The following CDH6 variants were observed in gnomAD, a reference collection of about 807,000 sequenced individuals.
The protein encoded by CDH6 is cadherin 6, also known as cadherin-6.
A neutral mutation model predicts 78.0 loss-of-function variants in CDH6; 31 were observed. The ratio of observed to expected loss-of-function variants is 0.40; its 90% confidence interval spans 0.30 to 0.54. The LOEUF is 0.54. Among genes scored for constraint, CDH6 ranks in the 20% least tolerant of loss-of-function variants. The probability of loss-of-function intolerance (pLI) is 0.56; values close to 1 mark genes in which losing one functional copy is unlikely to be tolerated. For synonymous variants in CDH6, 376 were observed against 368.8 expected (o/e 1.02, Z -0.23); for missense variants, 724 against 975.9 (o/e 0.74, Z 3.44).
chr5:31,194,716 A>C (rs1579800434), intron 1 of CDH6, among the ~76,000 whole-genome samples: 1 of 152,098 alleles, frequency 6.6e-6, no homozygotes, highest in Non-Finnish European at 1.5e-5. Context: ...GAGTGGTTGG[A>C]GTGCGCTTGG....
intron 1 of CDH6, among the ~76,000 whole-genome samples, chr5:31,238,566 A>C (rs899761627): frequency 1.3e-5 from 2 of 152,216 alleles, no homozygotes; most frequent in Non-Finnish European, 2.9e-5. Flanking sequence ...CAATTATGGC[A>C]GTAAGAAAGT....
At chr5:31,284,074 C>T (rs1052194211) in intron 2 of CDH6, among the ~76,000 whole-genome samples, 1 of 152,160 alleles carries the variant, frequency 6.6e-6, no homozygotes, top group Non-Finnish European at 1.5e-5. Context: ...GTTGTCCTCC[C>T]AAAGTGCTGA....
Position 31,323,042 on chromosome 5 carries a change from ACTCCAACAG to A in CDH6, c.2111_2119del (p.Pro704_Ala706del). 1 of 1,614,018 alleles carries A rather than the reference ACTCCAACAG, an allele frequency of 6.2e-7. No individual in the cohort carries two copies. The highest frequency in any genetic ancestry group is 8.5e-7 in the Non-Finnish European group (1 of 1,179,992). The stretch of plus-strand genomic sequence containing the variant: ...CGAAGCCCTTTTCCTACCCCGACGG[ACTCCAACAG>A]CTCGCGACAACACCGATGTCAGAGA... On this transcript the variant is annotated inframe_deletion, in exon 12 of 12. Transcript: ENST00000265071.
At chr5:31,209,563 A>G (rs1008073208) in intron 1 of CDH6, among the ~76,000 whole-genome samples, 2 of 152,178 alleles carry the variant, frequency 1.3e-5, no homozygotes, top group South Asian at 2.1e-4. Context: ...AGCTACAGTC[A>G]TTCATGCTCA....
chr5:31,302,163 C>T lies in CDH6; in HGVS notation c.864C>T (p.Gly288=), dbSNP rs771132300. The part of the protein sequence containing the change: ...PESSPPGTPI[G]RIKASDADVG... ...CTTCTCCACCGGGGACACCAATTGGCAGAATCAAAGCCAGCGACGCTGATG... is the reference window on the plus strand; with the variant it reads ...CTTCTCCACCGGGGACACCAATTGGTAGAATCAAAGCCAGCGACGCTGATG... Residue 288 remains glycine (G), a synonymous_variant, in exon 6 of 12, where the codon GGC becomes GGT. Coordinates refer to ENST00000265071, the MANE Select transcript of CDH6 (RefSeq NM_004932.4). 2 of 1,613,864 alleles carry T rather than the reference C, an allele frequency of 1.2e-6. No individual in the cohort carries two copies. Among genetic ancestry groups the T allele is most frequent in the Admixed American group, 1.7e-5 (1 of 60,016 alleles).
intron 2 of CDH6, among the ~76,000 whole-genome samples, chr5:31,281,582 T>C (rs949224214): frequency 3.9e-5 from 6 of 152,208 alleles, no homozygotes; most frequent in Non-Finnish European, 8.8e-5. Flanking sequence ...GACCTTGGAC[T>C]TCAAAAGCCA....
intron 8 of CDH6, among the ~76,000 whole-genome samples, chr5:31,315,217 T>TA (rs996422370): frequency 6.8e-4 from 103 of 152,304 alleles, no homozygotes; most frequent in African/African-American, 2.3e-3. Flanking sequence ...CTATAGCACT[T>TA]ACCATCTGAC....
intron 1 of CDH6, among the ~76,000 whole-genome samples, chr5:31,241,763 T>C (rs758068664): frequency 1.6e-4 from 25 of 152,218 alleles, no homozygotes; most frequent in Non-Finnish European, 3.7e-4. Flanking sequence ...CGCTGCTTTC[T>C]TCACAGTCCA....
At chr5:31,258,042 G>T (rs1009384483) in intron 1 of CDH6, among the ~76,000 whole-genome samples, 5 of 152,166 alleles carry the variant, frequency 3.3e-5, no homozygotes, top group Non-Finnish European at 7.3e-5. Context: ...CCATCATGGA[G>T]TGTAAATTAG....
intron 1 of CDH6, among the ~76,000 whole-genome samples, chr5:31,266,152 A>G (rs1346235612): frequency 6.6e-6 from 1 of 152,128 alleles, no homozygotes; most frequent in Non-Finnish European, 1.5e-5. Context: ...AATGTGGCAA[A>G]GTTTCTAAAG....
At chr5:31,234,721 C>G (rs543008452) in intron 1 of CDH6, among the ~76,000 whole-genome samples, 22 of 152,160 alleles carry the variant, frequency 1.4e-4, no homozygotes, top group African/African-American at 5.3e-4. Flanking sequence ...AGGCTCCAGA[C>G]CTTCTTTCTT....
At chr5:31,286,475 C>A (rs7701631) in intron 2 of CDH6, among the ~76,000 whole-genome samples, 5,407 of 152,136 alleles carry the variant, frequency 0.036, 307 homozygotes, top group African/African-American at 0.12. Flanking sequence ...TGCAGGAAGG[C>A]GTAGCTACGA....
chr5:31,203,735 T>A (rs1012519537), intron 1 of CDH6, among the ~76,000 whole-genome samples: 9 of 151,756 alleles, frequency 5.9e-5, no homozygotes, highest in African/African-American at 1.9e-4. Context: ...TATAGCAGCA[T>A]GATTTATAGT....
At chr5:31,253,521 G>A (rs2149925998) in intron 1 of CDH6, among the ~76,000 whole-genome samples, 1 of 152,222 alleles carries the variant, frequency 6.6e-6, no homozygotes, top group South Asian at 2.1e-4. Flanking sequence ...TATTAGCAGA[G>A]TGAGAACAGA....
intron 11 of CDH6, among the ~76,000 whole-genome samples, chr5:31,319,943 G>A (rs1480461451): frequency 6.6e-6 from 1 of 152,136 alleles, no homozygotes; most frequent in South Asian, 2.1e-4. Flanking sequence ...AATAGGCTTA[G>A]AACGGTCAAA....
At chr5:31,240,034 G>A (rs967319810) in intron 1 of CDH6, among the ~76,000 whole-genome samples, 13 of 152,102 alleles carry the variant, frequency 8.5e-5, no homozygotes, top group Non-Finnish European at 1.9e-4. Flanking sequence ...TGGACCAGCA[G>A]GTCTCAAAGT....
At chr5:31,313,165 T>G (rs577144651) in intron 7 of CDH6, among the ~76,000 whole-genome samples, 153 bp from the exon 8 acceptor site, 1 of 152,302 alleles carries the variant, frequency 6.6e-6, no homozygotes, top group East Asian at 1.9e-4. Context: ...TAATGTCAGG[T>G]TGTAGATATT....
intron 7 of CDH6, among the ~76,000 whole-genome samples, chr5:31,305,938 TA>T (rs1248582986): frequency 6.6e-6 from 1 of 152,176 alleles, no homozygotes; most frequent in African/African-American, 2.4e-5. Flanking sequence ...GAATAAACCT[TA>T]AAAAAACACA....
intron 7 of CDH6, among the ~76,000 whole-genome samples, chr5:31,309,012 A>G (rs1039859156): frequency 6.6e-6 from 1 of 152,234 alleles, no homozygotes; most frequent in African/African-American, 2.4e-5. Context: ...AATATTTATC[A>G]TTCTCAAATT....
Sources: allele counts gnomAD v4.1 joint callset (sites outside exome capture counted in the v4.1 genomes callset), GRCh38; gene constraint gnomAD v4.1.1; transcripts MANE v1.5; gene names NCBI Gene and HGNC (gene_info 2026-07-23, HGNC 2026-07-21).